PLCE1: variants seen among roughly 807,000 people sequenced by gnomAD.
PLCE1 encodes phospholipase C epsilon 1, also known as 1-phosphatidylinositol 4,5-bisphosphate phosphodiesterase epsilon-1.
In PLCE1, 119 loss-of-function variants were observed where a neutral mutation model predicts 242.8. The ratio of observed to expected loss-of-function variants is 0.49; its 90% CI spans 0.42 to 0.57. PLCE1 has a LOEUF of 0.57. Ranked by LOEUF, PLCE1 falls within the 20% of genes least tolerant of loss-of-function variation. PLCE1 has a pLI of 0.00. For missense variants in PLCE1, 2,441 were observed against 2,788.8 expected, an observed-to-expected ratio of 0.88 and a Z score of 2.81; for synonymous variants, 945 against 1,017.4, an observed-to-expected ratio of 0.93 and a Z score of 1.35.
chr10:94,138,106 T>G (rs776333898), intron 3 of PLCE1: 4 of 361,344 alleles, frequency 1.1e-5, no homozygotes, highest in Non-Finnish European at 2.1e-5. Flanking sequence ...CTGTGAAACT[T>G]AATGAGTGGC....
At chr10:94,178,026 G>C (rs999008588) in intron 4 of PLCE1, among the ~76,000 whole-genome samples, 2 of 152,152 alleles carry the variant, frequency 1.3e-5, no homozygotes, top group Admixed American at 1.3e-4. Context: ...CTCTTGTTGT[G>C]TTGTTCACCA....
At chr10:94,130,365 G>A (rs2046561344) in intron 2 of PLCE1, among the ~76,000 whole-genome samples, 1 of 152,186 alleles carries the variant, frequency 6.6e-6, no homozygotes, top group African/African-American at 2.4e-5. Context: ...GTAAAGGAGT[G>A]TATTCTCTTT....
At chr10:94,144,220 C>T (rs1026968043) in intron 3 of PLCE1, among the ~76,000 whole-genome samples, 4 of 152,104 alleles carry the variant, frequency 2.6e-5, no homozygotes, top group Non-Finnish European at 5.9e-5. Flanking sequence ...TCTCTGATTC[C>T]CAAAGCCATG....
chr10:94,271,974 G>C (rs1035703920), intron 18 of PLCE1, among the ~76,000 whole-genome samples: 4 of 152,180 alleles, frequency 2.6e-5, no homozygotes, highest in African/African-American at 9.7e-5. Context: ...GGGACAAAAG[G>C]CAGAGCAAGG....
At chr10:94,020,295 T>A (rs2061353824) in intron 1 of PLCE1, among the ~76,000 whole-genome samples, 1 of 152,210 alleles carries the variant, frequency 6.6e-6, no homozygotes, top group Non-Finnish European at 1.5e-5. Flanking sequence ...CATCTGTATT[T>A]CTTCTTCAAT....
chr10:94,195,059 T>C (rs2048777203), intron 4 of PLCE1, among the ~76,000 whole-genome samples: 1 of 152,190 alleles, frequency 6.6e-6, no homozygotes, highest in African/African-American at 2.4e-5. Context: ...ATAGGAACTT[T>C]ATCTAAAGTA....
At chr10:94,308,527 C>T (rs2053280006) in intron 26 of PLCE1, 54 bp from the exon 27 acceptor site, 1 of 1,257,180 alleles carries the variant, frequency 8.0e-7, no homozygotes, top group Non-Finnish European at 1.2e-6. Flanking sequence ...CCAGGAGCAT[C>T]TTCTTTTCAG....
chr10:94,009,165 G>T (rs902972995), intron 1 of PLCE1, among the ~76,000 whole-genome samples: 10 of 152,116 alleles, frequency 6.6e-5, no homozygotes, highest in Non-Finnish European at 1.5e-4. Context: ...TTCTGGGGAG[G>T]GCCTCAGGAA....
At position 94,060,310 on chromosome 10, in the gene PLCE1, C is replaced by T. The variant is rs114408086; in HGVS notation, c.1206+28058C>T. Among the ~76,000 whole-genome samples the T allele has an allele frequency of 4.0e-3, 607 of 151,922 alleles. 3 individuals are homozygous for T. Among genetic ancestry groups the T allele is most frequent in the African/African-American group, 0.014 (579 of 41,420 alleles). On this transcript the variant is annotated intron_variant, in intron 2 of 32. Coordinates refer to ENST00000371380, the MANE Select transcript of PLCE1 (RefSeq NM_016341.4). ...ACTAAAGGCACACAGTTCTTGGTAC[C>T]AAGTAAGTATTCAATACATTAGGAA...
At chr10:94,066,245 G>A (rs2044192725) in intron 2 of PLCE1, among the ~76,000 whole-genome samples, 1 of 152,168 alleles carries the variant, frequency 6.6e-6, no homozygotes, top group South Asian at 2.1e-4. Context: ...GCAAATAAAA[G>A]ATTTAGCTTG....
rs1325431415 is a variant in PLCE1 at position 94,304,589 on chromosome 10, T to C, written c.5566T>C (p.Phe1856Leu). Residue 1856 changes from phenylalanine (F) to leucine (L), a missense_variant, in exon 25 of 33, where the codon TTT becomes CTT. By Grantham distance (22) the Phe-to-Leu change is conservative. Transcript: ENST00000371380. The part of the protein sequence containing the change: ...WDKNCPMYQK[F>L]SPLERDLDSM... ...CAAGAACTGCCCCATGTATCAGAAGTTTTCTCCACTAGAAAGAGATCTGGA... is the reference window on the plus strand; with the variant it reads ...CAAGAACTGCCCCATGTATCAGAAGCTTTCTCCACTAGAAAGAGATCTGGA... The C allele has an allele frequency of 5.0e-6, 8 of 1,614,036 alleles. No homozygotes were observed. The South Asian group carries it at 8.8e-5, about 18-fold the overall frequency.
intron 2 of PLCE1, among the ~76,000 whole-genome samples, chr10:94,057,547 A>G (rs559060059): frequency 1.1e-4 from 16 of 152,342 alleles, no homozygotes; most frequent in African/African-American, 3.8e-4. Flanking sequence ...GGGTATAGAC[A>G]TATTTAATAT....
At chr10:94,239,682 TC>T (rs1445467275) in intron 7 of PLCE1, among the ~76,000 whole-genome samples, 2 of 152,156 alleles carry the variant, frequency 1.3e-5, no homozygotes, top group Admixed American at 6.6e-5. Flanking sequence ...ATTTTCTGTG[TC>T]CTTCTACCTC....
chr10:94,285,107 C>G lies in PLCE1; in HGVS notation c.5035+142C>G, dbSNP rs1242308459. ...CATTGTTATAATACCTCCTAAATAT[C>G]TTTATTATTATAATTTGCCTTGATG... On this transcript the variant is annotated intron_variant, in intron 22 of 32. Coordinates refer to ENST00000371380, the MANE Select transcript of PLCE1 (RefSeq NM_016341.4). The G allele has an allele frequency of 4.9e-6, 3 of 611,656 alleles. No homozygotes were observed. In the Admixed American group the frequency reaches 8.6e-5, roughly 18 times the overall value. The allele number at this position is 611,656 out of a possible 1,614,324, so 37.9% of individuals were successfully genotyped here.
At chr10:94,055,482 A>G (rs1328915590) in intron 2 of PLCE1, among the ~76,000 whole-genome samples, 1 of 151,786 alleles carries the variant, frequency 6.6e-6, no homozygotes, top group Admixed American at 6.6e-5. Context: ...CACCCGGCTA[A>G]TATTTTTGTA....
chr10:94,007,699 C>CTTTTTTTT (rs80098906), intron 1 of PLCE1, among the ~76,000 whole-genome samples: 11 of 64,116 alleles, frequency 1.7e-4, no homozygotes, highest in Admixed American at 3.6e-4. Flanking sequence ...AGCCTACTTT[C>CTTTTTTTT]TTTTTTTTTT....
At position 94,324,959 on chromosome 10, in the gene PLCE1, C is replaced by T. The variant is rs909411688; in HGVS notation, c.6788C>T (p.Thr2263Ile). ...GAACTCAAGAAGCTCACCAAGTCAA[C>T]TAAACAGCCCCGAGGACTTACATCA... ...ASELKKLTKSTKQPRGLTSPS... is the reference protein window; with the variant it reads ...ASELKKLTKSIKQPRGLTSPS... Residue 2263 changes from threonine (T) to isoleucine (I), a missense_variant, in exon 32 of 33, where the codon ACT becomes ATT. Physicochemically the swap from Thr to Ile is moderately conservative, Grantham distance 89 (BLOSUM62 -1). Coordinates refer to ENST00000371380, the MANE Select transcript of PLCE1 (RefSeq NM_016341.4). The T allele has an allele frequency of 3.7e-6, 6 of 1,614,210 alleles. No homozygotes were observed. In the Admixed American group the frequency reaches 1.0e-4, roughly 27 times the overall value.
intron 4 of PLCE1, among the ~76,000 whole-genome samples, chr10:94,171,948 C>A (rs1398382617): frequency 6.6e-6 from 1 of 152,158 alleles, no homozygotes. Context: ...CCTAGGTCAC[C>A]AGAGAAGGCA....
At chr10:94,206,355 C>T (rs958979702) in intron 4 of PLCE1, among the ~76,000 whole-genome samples, 20 of 152,048 alleles carry the variant, frequency 1.3e-4, no homozygotes, top group Non-Finnish European at 2.6e-4. Flanking sequence ...AAGGAAGTGG[C>T]AAGAGAGGAG....
Sources: allele counts gnomAD v4.1 joint callset (sites outside exome capture counted in the v4.1 genomes callset), GRCh38; gene constraint gnomAD v4.1.1; transcripts MANE v1.5; gene names NCBI Gene and HGNC (gene_info 2026-07-23, HGNC 2026-07-21).